Variants in LRRC4C observed in about 807,000 individuals in gnomAD.
LRRC4C encodes the protein leucine-rich repeat-containing protein 4C.
In LRRC4C, 5 loss-of-function variants were observed where a neutral mutation model predicts 33.6. The ratio of observed to expected loss-of-function variants is 0.15; its 90% CI spans 0.08 to 0.31. LRRC4C has a LOEUF of 0.31. Among genes scored for constraint, LRRC4C ranks in the 10% least tolerant of loss-of-function variants. LRRC4C has a pLI of 1.00. For missense variants in LRRC4C, 560 were observed against 796.7 expected (o/e 0.70, Z 3.58); for synonymous variants, 329 against 302.0 (o/e 1.09, Z -0.93).
intron 2 of LRRC4C, among the ~76,000 whole-genome samples, chr11:40,824,344 AT>A (rs1289160261): frequency 5.3e-5 from 8 of 152,124 alleles, no homozygotes; most frequent in African/African-American, 1.9e-4. Flanking sequence ...AAATTCAAAA[AT>A]TTTAAAAGTA....
At chr11:41,119,486 C>T (rs1385313373) in intron 1 of LRRC4C, among the ~76,000 whole-genome samples, 1 of 152,132 alleles carries the variant, frequency 6.6e-6, no homozygotes, top group African/African-American at 2.4e-5. Context: ...GTCAATTTGC[C>T]TAAACCACTT....
chr11:40,152,514 C>A (rs1858306915), intron 5 of LRRC4C, among the ~76,000 whole-genome samples: 1 of 152,154 alleles, frequency 6.6e-6, no homozygotes, highest in Non-Finnish European at 1.5e-5. Flanking sequence ...AAGCCATTTT[C>A]TTTTGCACCT....
chr11:40,545,914 T>C (rs931336690), intron 3 of LRRC4C, among the ~76,000 whole-genome samples: 11 of 152,016 alleles, frequency 7.2e-5, no homozygotes, highest in African/African-American at 1.9e-4. Flanking sequence ...TACAGACACA[T>C]TGGAAAATGG....
intron 1 of LRRC4C, among the ~76,000 whole-genome samples, chr11:41,216,201 A>C (rs975464198): frequency 1.3e-5 from 2 of 152,194 alleles, no homozygotes; most frequent in Non-Finnish European, 2.9e-5. Context: ...ACCCATCACC[A>C]TTGTAAATTT....
intron 1 of LRRC4C, among the ~76,000 whole-genome samples, chr11:41,448,169 G>A (rs918145917): frequency 2.7e-4 from 25 of 91,468 alleles, no homozygotes; most frequent in African/African-American, 9.4e-4. Flanking sequence ...AGTGTCCACA[G>A]TATTTCTGCT....
At chr11:40,375,635 C>T (rs1050119888) in intron 3 of LRRC4C, among the ~76,000 whole-genome samples, 17 of 152,122 alleles carry the variant, frequency 1.1e-4, no homozygotes, top group South Asian at 2.1e-4. Context: ...ATATTTAAGA[C>T]AAAATATTGT....
chr11:40,767,703 C>T (rs947677030), intron 2 of LRRC4C, among the ~76,000 whole-genome samples: 2 of 151,752 alleles, frequency 1.3e-5, no homozygotes, highest in African/African-American at 2.4e-5. Context: ...GAAAGTAAAC[C>T]ATATGCTCCT....
intron 1 of LRRC4C, among the ~76,000 whole-genome samples, chr11:41,104,384 A>G (rs140919108): frequency 6.6e-6 from 1 of 152,106 alleles, no homozygotes; most frequent in African/African-American, 2.4e-5. Flanking sequence ...TACAGTATCA[A>G]GGAATGCTAA....
chr11:41,145,344 T>G (rs1943682256), intron 1 of LRRC4C, among the ~76,000 whole-genome samples: 1 of 152,210 alleles, frequency 6.6e-6, no homozygotes, highest in African/African-American at 2.4e-5. Context: ...TTTTTTAAAC[T>G]ACTCATAATT....
chr11:40,116,430 C>T, intron 6 of LRRC4C, 96 bp from the exon 7 acceptor site: 3 of 1,273,410 alleles, frequency 2.4e-6, no homozygotes, highest in Non-Finnish European at 3.2e-6. Flanking sequence ...TCAGCTAAAG[C>T]CATCATGTGT....
intron 5 of LRRC4C, among the ~76,000 whole-genome samples, chr11:40,230,345 A>G (rs899207610): frequency 1.3e-5 from 2 of 152,242 alleles, no homozygotes; most frequent in African/African-American, 4.8e-5. Flanking sequence ...GCTGCCTAGC[A>G]ACTTGAAAAT....
chr11:40,239,150 TTCTTCCTTTACAATG>T (rs1439976640), intron 5 of LRRC4C, among the ~76,000 whole-genome samples: 3 of 152,194 alleles, frequency 2.0e-5, no homozygotes, highest in Non-Finnish European at 4.4e-5. Context: ...ACTCAAAGTC[TTCTTCCTTTACAATG>T]TCTTCCTAAC....
chr11:41,120,674 C>T (rs981838519), intron 1 of LRRC4C, among the ~76,000 whole-genome samples: 2 of 152,114 alleles, frequency 1.3e-5, no homozygotes, highest in South Asian at 2.1e-4. Context: ...TTGCCTTTCC[C>T]CTTTCAGATC....
intron 5 of LRRC4C, among the ~76,000 whole-genome samples, chr11:40,181,131 A>G (rs560496258): frequency 1.3e-5 from 2 of 152,282 alleles, no homozygotes; most frequent in East Asian, 3.9e-4. Flanking sequence ...CTTCATTCCC[A>G]TCACCACAAT....
intron 3 of LRRC4C, among the ~76,000 whole-genome samples, chr11:40,596,619 C>T (rs1411706542): frequency 2.0e-5 from 3 of 151,918 alleles, no homozygotes; most frequent in African/African-American, 7.3e-5. Flanking sequence ...CACTCCCCTT[C>T]CCAGCTTCTG....
intron 3 of LRRC4C, among the ~76,000 whole-genome samples, chr11:40,455,063 T>C (rs1263317644): frequency 6.6e-6 from 1 of 152,030 alleles, no homozygotes; most frequent in African/African-American, 2.4e-5. Context: ...GTCACAACAA[T>C]GAAAACAGCA....
At chr11:40,824,272 T>C (rs1157447294) in intron 2 of LRRC4C, among the ~76,000 whole-genome samples, 3 of 151,974 alleles carry the variant, frequency 2.0e-5, no homozygotes, top group African/African-American at 7.2e-5. Context: ...ACATTTCTAA[T>C]TTGTGAATTT....
intron 1 of LRRC4C, among the ~76,000 whole-genome samples, chr11:41,088,066 C>G (rs1283091637): frequency 1.3e-5 from 2 of 152,046 alleles, no homozygotes; most frequent in African/African-American, 4.8e-5. Flanking sequence ...AAATGGCTTG[C>G]AAAATCATTG....
At chr11:41,234,643 T>G (rs537456157) in intron 1 of LRRC4C, among the ~76,000 whole-genome samples, 1 of 152,150 alleles carries the variant, frequency 6.6e-6, no homozygotes, top group Admixed American at 6.6e-5. Flanking sequence ...ATGAAAAGAT[T>G]AGTTCTCAGA....
Sources: allele counts gnomAD v4.1 joint callset (sites outside exome capture counted in the v4.1 genomes callset), GRCh38; gene constraint gnomAD v4.1.1; transcripts MANE v1.5; gene names NCBI Gene and HGNC (gene_info 2026-07-23, HGNC 2026-07-21).